Variants in CACNA2D1 observed in about 807,000 individuals in gnomAD.
CACNA2D1 encodes the protein calcium voltage-gated channel auxiliary subunit alpha2delta 1.
Under a neutral mutation model 171.5 loss-of-function variants are expected in CACNA2D1, and 53 were observed. The observed-to-expected ratio is 0.31, with a 90% confidence interval of 0.25 to 0.39. CACNA2D1 has a LOEUF of 0.39. Ranked by LOEUF, CACNA2D1 falls within the 10% of genes least tolerant of loss-of-function variation. The pLI, the probability that CACNA2D1 is intolerant of heterozygous loss-of-function variation, is 1.00. For missense variants in CACNA2D1, 903 were observed against 1,299.8 expected (o/e 0.69, Z 4.69); for synonymous variants, 442 against 443.1 (o/e 1.00, Z 0.03).
chr7:82,045,425 C>T (rs1349364906), intron 10 of CACNA2D1, among the ~76,000 whole-genome samples: 4 of 152,038 alleles, frequency 2.6e-5, no homozygotes, highest in Non-Finnish European at 5.9e-5. Context: ...CTTAGAAAAT[C>T]AACCGTCTAT....
intron 1 of CACNA2D1, 61 bp downstream of exon 1, chr7:82,443,304 C>G: frequency 1.3e-6 from 2 of 1,523,900 alleles, no homozygotes; most frequent in Non-Finnish European, 1.8e-6. Context: ...GGAACCGACC[C>G]CCACCCCCAA....
At chr7:82,312,514 T>C (rs972954682) in intron 3 of CACNA2D1, among the ~76,000 whole-genome samples, 1 of 148,886 alleles carries the variant, frequency 6.7e-6, no homozygotes, top group African/African-American at 2.5e-5. Context: ...TGAAACTTTT[T>C]TTTTTTTTTT....
chr7:81,953,923 G>A (rs1792903328), intron 38 of CACNA2D1, among the ~76,000 whole-genome samples: 2 of 151,972 alleles, frequency 1.3e-5, no homozygotes, highest in Non-Finnish European at 2.9e-5. Flanking sequence ...GTGTGATGAT[G>A]AGATATGTCT....
chr7:82,340,436 G>T (rs201478925), intron 2 of CACNA2D1, among the ~76,000 whole-genome samples: 2 of 150,790 alleles, frequency 1.3e-5, no homozygotes, highest in East Asian at 3.9e-4. Context: ...CTCCCAAAGC[G>T]CTGGGATTAC....
At chr7:82,276,852 G>A (rs868394995) in intron 3 of CACNA2D1, among the ~76,000 whole-genome samples, 20 of 151,096 alleles carry the variant, frequency 1.3e-4, no homozygotes, top group Middle Eastern at 3.4e-3. Context: ...GTGTTCAAGC[G>A]ATTCTCCTGC....
At chr7:82,425,510 T>C (rs1829091137) in intron 1 of CACNA2D1, among the ~76,000 whole-genome samples, 1 of 151,628 alleles carries the variant, frequency 6.6e-6, no homozygotes, top group East Asian at 2.0e-4. Flanking sequence ...TAAATAAATT[T>C]ACATTACCAA....
At chr7:82,395,774 T>C (rs768581581) in intron 1 of CACNA2D1, among the ~76,000 whole-genome samples, 12 of 152,152 alleles carry the variant, frequency 7.9e-5, no homozygotes, top group Non-Finnish European at 1.6e-4. Context: ...AAGTATGTAT[T>C]TTCTCAGCCT....
intron 7 of CACNA2D1, among the ~76,000 whole-genome samples, chr7:82,084,193 G>A (rs1381728274): frequency 6.6e-6 from 1 of 151,992 alleles, no homozygotes; most frequent in African/African-American, 2.4e-5. Context: ...TTTATAAAAA[G>A]ATGTTTTCAC....
At chr7:82,213,591 C>G (rs973509869) in intron 3 of CACNA2D1, among the ~76,000 whole-genome samples, 1 of 152,046 alleles carries the variant, frequency 6.6e-6, no homozygotes, top group Non-Finnish European at 1.5e-5. Flanking sequence ...ATAATGCACA[C>G]CTAAAATACA....
At chr7:82,243,115 T>G (rs1804517312) in intron 3 of CACNA2D1, among the ~76,000 whole-genome samples, 1 of 152,112 alleles carries the variant, frequency 6.6e-6, no homozygotes, top group African/African-American at 2.4e-5. Flanking sequence ...ATAAAAAACA[T>G]TTTAAACTGA....
chr7:82,395,859 A>T (rs1468450677), intron 1 of CACNA2D1, among the ~76,000 whole-genome samples: 1 of 152,204 alleles, frequency 6.6e-6, no homozygotes, highest in Non-Finnish European at 1.5e-5. Context: ...AACTACTTTG[A>T]GTCCCAATCA....
At chr7:82,434,792 T>C (rs1829982140) in intron 1 of CACNA2D1, among the ~76,000 whole-genome samples, 1 of 152,168 alleles carries the variant, frequency 6.6e-6, no homozygotes. Context: ...ACCATGCTTC[T>C]GTCCCTGACA....
intron 2 of CACNA2D1, among the ~76,000 whole-genome samples, chr7:82,340,366 T>C (rs1441399613): frequency 6.6e-6 from 1 of 151,544 alleles, no homozygotes; most frequent in Non-Finnish European, 1.5e-5. Context: ...TAATAGGATC[T>C]CACTATGTTG....
intron 1 of CACNA2D1, among the ~76,000 whole-genome samples, chr7:82,410,331 C>A (rs908251469): frequency 2.6e-5 from 4 of 152,078 alleles, no homozygotes; most frequent in Non-Finnish European, 5.9e-5. Context: ...CTAAAATATA[C>A]CTTTTCATCC....
chr7:81,962,051 C>A, intron 35 of CACNA2D1, 28 bp from the exon 36 acceptor site: 1 of 1,610,378 alleles, frequency 6.2e-7, no homozygotes, highest in Non-Finnish European at 8.5e-7. Flanking sequence ...GGTGTAAAAA[C>A]AAAGAACACC....
intron 19 of CACNA2D1, among the ~76,000 whole-genome samples, chr7:81,995,798 CAA>C (rs59979323): frequency 0.51 from 51,620 of 100,694 alleles, 9,985 homozygotes; most frequent in Middle Eastern, 0.61. Context: ...GACTCCACCT[CAA>C]AAAAAAAAAA....
intron 1 of CACNA2D1, among the ~76,000 whole-genome samples, chr7:82,414,535 T>C (rs1227406967): frequency 6.6e-6 from 1 of 152,076 alleles, no homozygotes; most frequent in African/African-American, 2.4e-5. Flanking sequence ...GCATACTAAT[T>C]TGTGGGAAGC....
chr7:82,170,669 T>C, intron 3 of CACNA2D1, 60 bp from the exon 4 acceptor site: 1 of 1,464,754 alleles, frequency 6.8e-7, no homozygotes, highest in Non-Finnish European at 9.6e-7. Context: ...AATTGTTATA[T>C]AAAATGCTTG....
At chr7:82,259,469 T>C (rs139835035) in intron 3 of CACNA2D1, among the ~76,000 whole-genome samples, 145 of 152,350 alleles carry the variant, frequency 9.5e-4, no homozygotes, top group Non-Finnish European at 1.6e-3. Context: ...GTCTAAAGCT[T>C]TCATGTGAAT....
Sources: gnomAD v4.1 joint callset for allele counts (sites outside exome capture counted in the v4.1 genomes callset) on GRCh38, gnomAD v4.1.1 for gene constraint, MANE v1.5 for transcripts, NCBI Gene and HGNC (gene_info 2026-07-23, HGNC 2026-07-21) for gene names.